The following HPS3 variants were observed in gnomAD, a reference collection of about 807,000 sequenced individuals.
HPS3 encodes the protein BLOC-2 complex member HPS3.
In HPS3, 79 loss-of-function variants were observed where a neutral mutation model predicts 110.9. The observed-to-expected ratio is 0.71, with a 90% CI of 0.59 to 0.86. The LOEUF is 0.86. Among genes scored for constraint, HPS3 ranks in the 40% least tolerant of loss-of-function variants. The pLI is 0.00. For synonymous variants in HPS3, 428 were observed against 451.0 expected, an observed-to-expected ratio of 0.95 and a Z score of 0.65; for missense variants, 1,197 against 1,206.2, an observed-to-expected ratio of 0.99 and a Z score of 0.11.
chr3:149,144,784 T>A (rs1722693359), intron 4 of HPS3, among the ~76,000 whole-genome samples: 1 of 152,208 alleles, frequency 6.6e-6, no homozygotes, highest in Admixed American at 6.5e-5. Flanking sequence ...CTAGTCTGAA[T>A]TGAGATATGG....
At chr3:149,153,952 C>A in intron 7 of HPS3, 1 of 353,264 alleles carries the variant, frequency 2.8e-6, no homozygotes, top group Non-Finnish European at 5.2e-6. Flanking sequence ...GCCTATAATG[C>A]TAATTGAAAC....
chr3:149,162,096 A>G lies in HPS3; in HGVS notation c.2107-52A>G, dbSNP rs57943258. 0.14 allele frequency: 192,340 copies of G among 1,412,520 alleles called. 14,548 individuals carry two copies. The highest frequency in any genetic ancestry group is 0.28 in the African/African-American group (20,030 of 70,704). The allele number at this position is 1,412,520 out of a possible 1,614,324, so 87.5% of individuals were successfully genotyped here. ...AGCATGTTTAGTATTTCTAAAATGGACAATCTAAATACAATGTACCTTTTG... is the reference window on the plus strand; with the variant it reads ...AGCATGTTTAGTATTTCTAAAATGGGCAATCTAAATACAATGTACCTTTTG... On this transcript the variant is annotated intron_variant, in intron 11 of 16. Transcript: ENST00000296051.
chr3:149,160,138 T>G lies in HPS3; in HGVS notation c.1965T>G (p.Asn655Lys). 1 of 1,613,912 alleles carries G rather than the reference T, an allele frequency of 6.2e-7. No homozygotes were observed. The highest frequency in any genetic ancestry group is 8.5e-7 in the Non-Finnish European group (1 of 1,179,802). The change falls in exon 11 of 17, where the codon AAT becomes AAG. Residue 655 changes from asparagine (N) to lysine (K), a missense_variant. Asn to Lys is a moderately conservative substitution (Grantham distance 94). Coordinates refer to ENST00000296051, the MANE Select transcript of HPS3 (RefSeq NM_032383.5). ...GTAGTCCTTCTATGAAGAATATTAATCCTTTAACTGCCATGAGCTATCTAA... is the reference window on the plus strand; with the variant it reads ...GTAGTCCTTCTATGAAGAATATTAAGCCTTTAACTGCCATGAGCTATCTAA... ...ILCSPSMKNI[N>K]PLTAMSYLRK...
Position 149,162,723 on chromosome 3 carries a change from C to T in HPS3, c.2326C>T (p.Gln776Ter). 2 of 1,614,046 alleles carry T rather than the reference C, an allele frequency of 1.2e-6. No individual in the cohort carries two copies. Among genetic ancestry groups the T allele is most frequent in the African/African-American group, 1.3e-5 (1 of 75,022 alleles). ...LCAKDEDTIP[Q>*]LLVDFWEAQL... Reference sequence around the variant, plus strand: ...TGCTAAGGATGAAGATACAATTCCTCAGCTCTTGGTAGACTTTTGGGAAGC... The same window carrying T: ...TGCTAAGGATGAAGATACAATTCCTTAGCTCTTGGTAGACTTTTGGGAAGC... Residue 776 changes from glutamine to a stop codon, truncating the protein, a stop_gained, in exon 13 of 17, where the codon CAG becomes TAG. Coordinates refer to ENST00000296051, the MANE Select transcript of HPS3 (RefSeq NM_032383.5). LOFTEE classifies it high-confidence loss of function.
intron 1 of HPS3, among the ~76,000 whole-genome samples, chr3:149,132,159 T>C (rs1721818005): frequency 6.6e-6 from 1 of 152,176 alleles, no homozygotes; most frequent in African/African-American, 2.4e-5. Flanking sequence ...CCAGAAGATA[T>C]AGCTAAGATG....
chr3:149,162,518 C>G (rs568900851), intron 12 of HPS3, 172 bp from the exon 13 acceptor site: 8 of 925,070 alleles, frequency 8.6e-6, no homozygotes, highest in Non-Finnish European at 1.4e-5. Context: ...TTTGTACATC[C>G]TAGAATCTGT....
At chr3:149,149,018 A>G (rs1722948215) in intron 5 of HPS3, among the ~76,000 whole-genome samples, 1 of 136,154 alleles carries the variant, frequency 7.3e-6, no homozygotes, top group Non-Finnish European at 1.5e-5. Flanking sequence ...CAGTGGCACG[A>G]TCTTGGCTCA....
intron 1 of HPS3, among the ~76,000 whole-genome samples, chr3:149,133,772 G>A (rs1198091493): frequency 6.6e-6 from 1 of 152,050 alleles, no homozygotes; most frequent in Non-Finnish European, 1.5e-5. Flanking sequence ...AATATTTTTA[G>A]TTAAGGTATG....
intron 5 of HPS3, among the ~76,000 whole-genome samples, chr3:149,146,351 C>T (rs181273169): frequency 6.6e-6 from 1 of 152,198 alleles, no homozygotes; most frequent in East Asian, 1.9e-4. Flanking sequence ...CATGAAAGTG[C>T]CATTGACATT....
chr3:149,144,331 C>T (rs1303565728), intron 4 of HPS3, among the ~76,000 whole-genome samples: 2 of 151,970 alleles, frequency 1.3e-5, no homozygotes, highest in South Asian at 2.1e-4. Flanking sequence ...TGCAGTGAGC[C>T]GAGATCGTGC....
rs1559931139 is a variant in HPS3, at chr3:149,172,317, A to AACACAC, written c.*95_*96insACACAC. The AACACAC allele has an allele frequency of 7.8e-6, 5 of 640,856 alleles. No individual in the cohort carries two copies. In the African/African-American group the frequency reaches 8.4e-5, roughly 11 times the overall value. 39.7% of individuals were successfully genotyped at this position (640,856 alleles called of 1,614,324 possible). On this transcript the variant is annotated 3_prime_UTR_variant, in exon 17 of 17. Transcript: ENST00000296051. ...AGTAGAGGAGTTTTTTATTTTATAT[A>AACACAC]TCACACACACACACACACACACACA...
At chr3:149,141,234 T>A in intron 3 of HPS3, 46 bp downstream of exon 3, 1 of 1,596,748 alleles carries the variant, frequency 6.3e-7, no homozygotes, top group Non-Finnish European at 8.6e-7. Flanking sequence ...TATGTATATA[T>A]GCCTGCTTAA....
intron 4 of HPS3, among the ~76,000 whole-genome samples, chr3:149,144,840 A>G (rs1016523795): frequency 1.3e-5 from 2 of 152,316 alleles, no homozygotes; most frequent in Non-Finnish European, 1.5e-5. Context: ...AAGTACAAAA[A>G]TGTATATAAT....
At chr3:149,141,497 C>G (rs1576667615) in intron 4 of HPS3, 117 bp downstream of exon 4, 2 of 745,302 alleles carry the variant, frequency 2.7e-6, no homozygotes, top group East Asian at 5.2e-5. Context: ...CCACTGGAGT[C>G]TCCTTGTGGC....
chr3:149,162,379 T>C, intron 12 of HPS3, 46 bp downstream of exon 12: 1 of 1,548,152 alleles, frequency 6.5e-7, no homozygotes, highest in Non-Finnish European at 8.9e-7. Flanking sequence ...CCTCATTAAA[T>C]TGGTGGTGGG....
At chr3:149,171,601 G>C (rs1724992906) in intron 16 of HPS3, among the ~76,000 whole-genome samples, 1 of 151,392 alleles carries the variant, frequency 6.6e-6, no homozygotes, top group Non-Finnish European at 1.5e-5. Flanking sequence ...AAGGATTCTA[G>C]TAAGGAAAAA....
chr3:149,130,125 C>T (rs1721668275), intron 1 of HPS3, 185 bp downstream of exon 1: 1 of 617,000 alleles, frequency 1.6e-6, no homozygotes. Flanking sequence ...GCGGTTGTCG[C>T]GGCAAGCATA....
intron 8 of HPS3, among the ~76,000 whole-genome samples, chr3:149,156,713 A>G (rs1457528095): frequency 6.6e-6 from 1 of 152,066 alleles, no homozygotes; most frequent in Non-Finnish European, 1.5e-5. Flanking sequence ...ATTTTTGGTC[A>G]TCAGGTCAAG....
chr3:149,168,106 G>A (rs545664844), intron 16 of HPS3, 123 bp downstream of exon 16: 12 of 680,454 alleles, frequency 1.8e-5, no homozygotes, highest in South Asian at 1.7e-4. Flanking sequence ...AACCATCTGG[G>A]GAGCTTATTT....
Sources: allele counts gnomAD v4.1 joint callset (sites outside exome capture counted in the v4.1 genomes callset), GRCh38; gene constraint gnomAD v4.1.1; transcripts MANE v1.5; gene names NCBI Gene and HGNC (gene_info 2026-07-23, HGNC 2026-07-21).